The following PCDHGB1 variants were observed in gnomAD, a reference collection of about 807,000 sequenced individuals.
PCDHGB1 encodes protocadherin gamma subfamily B, 1.
A neutral mutation model predicts 56.6 loss-of-function variants in PCDHGB1; 34 were observed. The observed-to-expected ratio is 0.60, with a 90% confidence interval of 0.46 to 0.80. The LOEUF is 0.80. Ranked by LOEUF, PCDHGB1 falls within the 30% of genes least tolerant of loss-of-function variation. The pLI is 0.00. For missense variants in PCDHGB1, 1,278 were observed against 1,204.6 expected, an observed-to-expected ratio of 1.06 and a Z score of -0.90; for synonymous variants, 561 against 505.9, an observed-to-expected ratio of 1.11 and a Z score of -1.46.
intron 3 of PCDHGB1, 43 bp from the exon 4 acceptor site, chr5:141,510,903 GA>G: frequency 6.2e-7 from 1 of 1,613,454 alleles, no homozygotes; most frequent in Non-Finnish European, 8.5e-7. Flanking sequence ...GACTGTTGAG[GA>G]CCCTAAGTTT....
At chr5:141,418,201 A>G (rs2096236241) in intron 1 of PCDHGB1, 1 of 1,614,020 alleles carries the variant, frequency 6.2e-7, no homozygotes, top group Non-Finnish European at 8.5e-7. Flanking sequence ...AAAATCCTTT[A>G]AATATTTTTC....
In PCDHGB1 at chr5:141,485,275, G is replaced by C. The variant is rs77402299; in HGVS notation, c.2410-9532G>C. ...ACGTTTGTGGGCAGATCCGCTACCC[G>C]GTCCCAGAGGAGTCACAGGAAGGGA... On this transcript the variant is annotated intron_variant, in intron 1 of 3. Transcript: ENST00000523390. The surrounding 1 kb of genome is among the most constrained non-coding windows in gnomAD (Gnocchi z 5.7). The C allele has an allele frequency of 2.5e-6, 4 of 1,614,072 alleles. No individual in the cohort carries two copies. Among genetic ancestry groups the C allele is most frequent in the Admixed American group, 1.7e-5 (1 of 60,024 alleles).
chr5:141,398,203 T>C (rs1365410987), intron 1 of PCDHGB1: 2 of 1,489,610 alleles, frequency 1.3e-6, no homozygotes. Flanking sequence ...GTCTTTGTTC[T>C]GCCCGGCGCT....
chr5:141,454,894 G>A (rs1371368633), intron 1 of PCDHGB1, among the ~76,000 whole-genome samples: 2 of 126,736 alleles, frequency 1.6e-5, no homozygotes, highest in Non-Finnish European at 3.1e-5. Context: ...TGCTAGCACC[G>A]CCTCCCGGGT....
At chr5:141,369,943 A>G (rs1183061731) in intron 1 of PCDHGB1, among the ~76,000 whole-genome samples, 2 of 152,250 alleles carry the variant, frequency 1.3e-5, no homozygotes, top group African/African-American at 4.8e-5. Flanking sequence ...ATTGAGCAAG[A>G]TTATCTCTGC....
At chr5:141,483,603 A>T (rs1277479077) in intron 1 of PCDHGB1, among the ~76,000 whole-genome samples, 1 of 152,054 alleles carries the variant, frequency 6.6e-6, no homozygotes, top group Non-Finnish European at 1.5e-5. Context: ...AGGCTGGTTT[A>T]CACCTCCATC....
At chr5:141,369,769 T>C (rs1398107902) in intron 1 of PCDHGB1, among the ~76,000 whole-genome samples, 2 of 152,248 alleles carry the variant, frequency 1.3e-5, no homozygotes, top group African/African-American at 2.4e-5. Context: ...GTGAAGCTGA[T>C]ATTTCAAGCC....
At chr5:141,361,738 C>T (rs1860251) in intron 1 of PCDHGB1, 2 of 1,613,136 alleles carry the variant, frequency 1.2e-6, no homozygotes, top group Non-Finnish European at 1.7e-6. Context: ...ACTGCAGGCC[C>T]GCGACCAGGG....
chr5:141,360,951 C>T (rs1413574595), intron 1 of PCDHGB1: 2 of 1,613,942 alleles, frequency 1.2e-6, no homozygotes, highest in Admixed American at 1.7e-5. Flanking sequence ...GGGATGAAGG[C>T]ATAAACGCAG....
At chr5:141,370,333 C>T in intron 1 of PCDHGB1, 1 of 1,435,660 alleles carries the variant, frequency 7.0e-7, no homozygotes, top group Non-Finnish European at 9.4e-7. Flanking sequence ...TCGGAGAACT[C>T]TTGGGATTAT....
rs2099613082 is a variant in PCDHGB1, at chr5:141,485,421, C to T, written c.2410-9386C>T. ...TTCCGTGTGGATTTGGACAGCGGAG[C>T]CCTGCTCATCAAGAACCCAATCGAC... On this transcript the variant is annotated intron_variant, in intron 1 of 3. Coordinates refer to ENST00000523390, the MANE Select transcript of PCDHGB1 (RefSeq NM_018922.3). The surrounding 1 kb of genome is among the most constrained non-coding windows in gnomAD (Gnocchi z 5.7). The T allele has an allele frequency of 6.2e-7, 1 of 1,614,112 alleles. No individual in the cohort carries two copies. Among genetic ancestry groups the T allele is most frequent in the Non-Finnish European group, 8.5e-7 (1 of 1,180,010 alleles).
chr5:141,502,027 C>T (rs547850211), intron 2 of PCDHGB1, among the ~76,000 whole-genome samples: 6 of 152,274 alleles, frequency 3.9e-5, no homozygotes, highest in African/African-American at 9.6e-5. Flanking sequence ...CTGCAACCCC[C>T]GCCGCTTGCC....
chr5:141,481,427 T>C lies in PCDHGB1; in HGVS notation c.2410-13380T>C, dbSNP rs79272909. Reference sequence around the variant, plus strand: ...TTGTATAATTAGATTGTGATGATGATTGTATCAGTTTAGTACATGTAAATA... The same window carrying C: ...TTGTATAATTAGATTGTGATGATGACTGTATCAGTTTAGTACATGTAAATA... On this transcript the variant is annotated intron_variant, in intron 1 of 3. Transcript: ENST00000523390. Among the ~76,000 whole-genome samples the C allele has an allele frequency of 6.0e-3, 907 of 152,334 alleles. 5 individuals are homozygous for C. Among genetic ancestry groups the C allele is most frequent in the African/African-American group, 0.02 (840 of 41,578 alleles).
At position 141,487,198 on chromosome 5, in the gene PCDHGB1, T is replaced by A; in HGVS notation, c.2410-7609T>A. The A allele has an allele frequency of 1.2e-6, 2 of 1,613,854 alleles. No individual in the cohort carries two copies. The highest frequency in any genetic ancestry group is 1.7e-6 in the Non-Finnish European group (2 of 1,179,722). ...AAGACACTCATCCAGTTGTCCCAGATCTTCGAGAATCTTCAGCTCCAAGGG... is the reference window on the plus strand; with the variant it reads ...AAGACACTCATCCAGTTGTCCCAGAACTTCGAGAATCTTCAGCTCCAAGGG... On this transcript the variant is annotated intron_variant, in intron 1 of 3. Transcript: ENST00000523390. The surrounding 1 kb of genome is among the most constrained non-coding windows in gnomAD (Gnocchi z 5.0).
chr5:141,505,523 G>A, intron 3 of PCDHGB1, 42 bp downstream of exon 3: 1 of 1,612,760 alleles, frequency 6.2e-7, no homozygotes, highest in Middle Eastern at 1.7e-4. Flanking sequence ...GGGAGACCTG[G>A]GGTTCTGGGG....
chr5:141,422,062 A>C, intron 1 of PCDHGB1: 4 of 1,612,140 alleles, frequency 2.5e-6, no homozygotes, highest in Non-Finnish European at 3.4e-6. Context: ...CGGGGAAGTA[A>C]TGTATTCATT....
chr5:141,361,499 C>T (rs1762048821), intron 1 of PCDHGB1: 3 of 1,613,948 alleles, frequency 1.9e-6, no homozygotes, highest in South Asian at 1.1e-5. Context: ...TTCCAACAGA[C>T]TTCCTACATG....
rs780541121 is a variant in PCDHGB1 at position 141,477,533 on chromosome 5, G to T, written c.2410-17274G>T. ...TTACATTGAAGAAAACAACCTCCCCGGGGCTCCAATACTAAACCTAAGTGT... is the reference window on the plus strand; with the variant it reads ...TTACATTGAAGAAAACAACCTCCCCTGGGCTCCAATACTAAACCTAAGTGT... On this transcript the variant is annotated intron_variant, in intron 1 of 3. Coordinates refer to ENST00000523390, the MANE Select transcript of PCDHGB1 (RefSeq NM_018922.3). This position sits in a 1 kb window ranked among gnomAD's most constrained non-coding sequence, Gnocchi z 4.9. 6.2e-7 allele frequency: 1 copy of T among 1,614,010 alleles called. No homozygotes were observed. The highest frequency in any genetic ancestry group is 1.1e-5 in the South Asian group (1 of 91,066).
intron 1 of PCDHGB1, among the ~76,000 whole-genome samples, chr5:141,451,804 C>G (rs914303400): frequency 9.2e-5 from 14 of 151,946 alleles, no homozygotes; most frequent in African/African-American, 3.4e-4. Context: ...TTGCTTGAAC[C>G]CAGGAGGCGG....
Sources: gnomAD v4.1 joint callset for allele counts (sites outside exome capture counted in the v4.1 genomes callset) on GRCh38, gnomAD v4.1.1 for gene constraint, Gnocchi (gnomAD v3.1) non-coding constraint, MANE v1.5 for transcripts, NCBI Gene and HGNC (gene_info 2026-07-23, HGNC 2026-07-21) for gene names.